Variants in GRAP2 observed in about 807,000 individuals in gnomAD.
GRAP2 encodes the protein GRB2-related adapter protein 2.
A neutral mutation model predicts 43.5 loss-of-function variants in GRAP2; 31 were observed. The ratio of observed to expected loss-of-function variants is 0.71; its 90% CI spans 0.54 to 0.96. The LOEUF is 0.96. GRAP2 is among the 40% of genes least tolerant of loss of function. The probability of loss-of-function intolerance (pLI) is 0.00; values close to 1 mark genes in which losing one functional copy is unlikely to be tolerated. For synonymous variants in GRAP2, 156 were observed against 164.8 expected, an observed-to-expected ratio of 0.95 and a Z score of 0.41; for missense variants, 371 against 424.4, an observed-to-expected ratio of 0.87 and a Z score of 1.11.
intron 1 of GRAP2, among the ~76,000 whole-genome samples, chr22:39,905,832 A>C (rs1250586285): frequency 6.6e-6 from 1 of 152,192 alleles, no homozygotes; most frequent in Non-Finnish European, 1.5e-5. Context: ...TGATGGGCAC[A>C]TGCAGTGAGG....
intron 5 of GRAP2, among the ~76,000 whole-genome samples, chr22:39,967,702 A>C (rs918674352): frequency 2.6e-5 from 4 of 152,206 alleles, no homozygotes; most frequent in African/African-American, 9.7e-5. Flanking sequence ...AACATGTGAT[A>C]AGAAGGGGTG....
intron 4 of GRAP2, among the ~76,000 whole-genome samples, chr22:39,965,368 A>G (rs1051220950): frequency 7.9e-5 from 12 of 152,204 alleles, no homozygotes; most frequent in Admixed American, 6.5e-5. Flanking sequence ...GTGAGACTCC[A>G]TCTCAAAAAA....
At chr22:39,965,033 G>A (rs542453108) in intron 4 of GRAP2, among the ~76,000 whole-genome samples, 1 of 152,344 alleles carries the variant, frequency 6.6e-6, no homozygotes, top group Admixed American at 6.5e-5. Flanking sequence ...GTGAGCCTCA[G>A]TGTCCTCATC....
Position 39,901,147 on chromosome 22 carries a change from A to G in GRAP2, c.-198A>G, listed in dbSNP as rs967287344. The G allele has an allele frequency of 2.8e-5, 13 of 464,590 alleles. No homozygotes were observed. The highest frequency in any genetic ancestry group is 1.5e-4 in the Admixed American group (6 of 40,470). 28.8% of individuals were successfully genotyped at this position (464,590 alleles called of 1,614,324 possible). On this transcript the variant is annotated 5_prime_UTR_variant, in exon 1 of 8. Transcript: ENST00000344138. ...GTAAGAGGTGGGGAGGAGGAGGCAC[A>G]GTTAATGGATCTGTAAACTTGCACC... is the stretch of plus-strand genomic sequence containing the variant.
chr22:39,967,504 T>C (rs1216705642), intron 5 of GRAP2, among the ~76,000 whole-genome samples: 2 of 152,210 alleles, frequency 1.3e-5, no homozygotes, highest in African/African-American at 4.8e-5. Flanking sequence ...TTTGTAAGGT[T>C]GTTGTAACAT....
chr22:39,918,524 T>G (rs2145585183), intron 1 of GRAP2, among the ~76,000 whole-genome samples: 1 of 152,342 alleles, frequency 6.6e-6, no homozygotes, highest in East Asian at 1.9e-4. Flanking sequence ...TAATAACATT[T>G]TCCCTTAATT....
At chr22:39,957,000 A>G (rs1445824753) in intron 3 of GRAP2, among the ~76,000 whole-genome samples, 3 of 152,090 alleles carry the variant, frequency 2.0e-5, no homozygotes, top group African/African-American at 7.2e-5. Flanking sequence ...GCTCACCCCA[A>G]TGAGAGAAGT....
chr22:39,946,795 C>G (rs1424363867), intron 1 of GRAP2: 1 of 310,792 alleles, frequency 3.2e-6, no homozygotes, highest in Non-Finnish European at 6.1e-6. Context: ...CAGAGATGCC[C>G]CCAAAAGTGG....
chr22:39,917,950 A>G (rs1287925803), intron 1 of GRAP2, among the ~76,000 whole-genome samples: 1 of 152,200 alleles, frequency 6.6e-6, no homozygotes, highest in Non-Finnish European at 1.5e-5. Context: ...GGCTGCTGTC[A>G]CATCTCTGGG....
intron 7 of GRAP2, among the ~76,000 whole-genome samples, chr22:39,969,795 T>C (rs758760143): frequency 1.3e-5 from 2 of 152,106 alleles, no homozygotes; most frequent in Non-Finnish European, 2.9e-5. Flanking sequence ...ATGCCAGTAA[T>C]CCCAGCTACT....
chr22:39,926,533 A>C, intron 1 of GRAP2: 1 of 857,538 alleles, frequency 1.2e-6, no homozygotes, highest in Non-Finnish European at 1.4e-6. Context: ...GAACAAAAGA[A>C]CCTTGAGCAT....
At chr22:39,915,490 G>A (rs970021376) in intron 1 of GRAP2, among the ~76,000 whole-genome samples, 1 of 152,064 alleles carries the variant, frequency 6.6e-6, no homozygotes, top group Non-Finnish European at 1.5e-5. Flanking sequence ...TCATCCTCTC[G>A]GGACTCTCAG....
upstream of GRAP2, among the ~76,000 whole-genome samples, chr22:39,898,433 A>G (rs2145559559): frequency 6.6e-6 from 1 of 152,374 alleles, no homozygotes; most frequent in East Asian, 1.9e-4. Context: ...TATTGAATAA[A>G]TGAAACGAGA....
At chr22:39,958,666 G>T (rs748527378) in intron 3 of GRAP2, among the ~76,000 whole-genome samples, 1 of 152,200 alleles carries the variant, frequency 6.6e-6, no homozygotes, top group African/African-American at 2.4e-5. Flanking sequence ...CTATCAGATT[G>T]CAGTCAGAGG....
chr22:39,966,037 G>A lies in GRAP2; in HGVS notation c.338G>A (p.Gly113Asp). The A allele has an allele frequency of 6.2e-7, 1 of 1,614,024 alleles. No individual in the cohort carries two copies. The highest frequency in any genetic ancestry group is 8.5e-7 in the Non-Finnish European group (1 of 1,179,862). Residue 113 changes from glycine (G) to aspartate (D), a missense_variant, in exon 5 of 8, where the codon GGT (glycine) becomes GAT (aspartate). Physicochemically the swap from Gly to Asp is moderately conservative, Grantham distance 94. Transcript: ENST00000344138. The stretch of plus-strand genomic sequence containing the variant: ...TTCAAGGTCATGCGAGACAACAAGG[G>A]TAATTACTTTCTGTGGACTGAGAAG... The part of the protein sequence containing the change: ...QHFKVMRDNK[G>D]NYFLWTEKFP...
upstream of GRAP2, among the ~76,000 whole-genome samples, chr22:39,899,073 C>T (rs534862261): frequency 6.6e-6 from 1 of 152,298 alleles, no homozygotes; most frequent in East Asian, 1.9e-4. Context: ...TCTGCCTTTG[C>T]ACTCGTTCAG....
rs1004280612 is a variant in GRAP2, at chr22:39,924,954, A to G, written c.-14-22139A>G. On this transcript the variant is annotated intron_variant, in intron 1 of 7. Transcript: ENST00000344138. Reference sequence around the variant, plus strand: ...TAACAAGACAGTAATCCTAAAGGAGATGGACTTGAATTTGAGCTGGACCTG... The same window carrying G: ...TAACAAGACAGTAATCCTAAAGGAGGTGGACTTGAATTTGAGCTGGACCTG... Among the ~76,000 whole-genome samples, 6 of 152,158 alleles carry G rather than the reference A, an allele frequency of 3.9e-5. No individual in the cohort carries two copies. The South Asian group carries it at 1.2e-3, about 32-fold the overall frequency.
intron 1 of GRAP2, among the ~76,000 whole-genome samples, chr22:39,940,441 C>CT (rs900054120): frequency 2.1e-5 from 3 of 144,610 alleles, no homozygotes; most frequent in Non-Finnish European, 4.5e-5. Context: ...ATTTGGGTCT[C>CT]TAGAAGAATA....
intron 1 of GRAP2, among the ~76,000 whole-genome samples, chr22:39,933,927 G>C (rs1332145079): frequency 6.6e-6 from 1 of 152,166 alleles, no homozygotes; most frequent in Admixed American, 6.5e-5. Context: ...AGGAGAATAG[G>C]GTGGAGGAGG....
Sources: allele counts gnomAD v4.1 joint callset (sites outside exome capture counted in the v4.1 genomes callset), GRCh38; gene constraint gnomAD v4.1.1; transcripts MANE v1.5; gene names NCBI Gene and HGNC (gene_info 2026-07-23, HGNC 2026-07-21).